Variants in ARHGEF4 observed in about 807,000 individuals in gnomAD.
ARHGEF4 encodes the protein Rho guanine nucleotide exchange factor 4.
Under a neutral mutation model 162.0 loss-of-function variants are expected in ARHGEF4, and 119 were observed. The ratio of observed to expected loss-of-function variants is 0.73; its 90% confidence interval spans 0.63 to 0.86. The LOEUF is 0.86. Among genes scored for constraint, ARHGEF4 ranks in the 40% least tolerant of loss-of-function variants. The pLI is 0.00. For synonymous variants in ARHGEF4, 1,014 were observed against 979.9 expected, an observed-to-expected ratio of 1.03 and a Z score of -0.65; for missense variants, 2,488 against 2,456.0, an observed-to-expected ratio of 1.01 and a Z score of -0.28.
intron 4 of ARHGEF4, among the ~76,000 whole-genome samples, chr2:130,974,323 A>G (rs1685556895): frequency 6.6e-6 from 1 of 151,868 alleles, no homozygotes; most frequent in Admixed American, 6.6e-5. Flanking sequence ...ATACTTGGCT[A>G]ACTATTTGAC....
intron 13 of ARHGEF4, chr2:131,045,766 A>C: frequency 1.4e-6 from 2 of 1,427,252 alleles, no homozygotes; most frequent in Non-Finnish European, 1.8e-6. Context: ...CCCCATTTCT[A>C]CAGAGAGCCA....
chr2:130,940,832 A>G (rs1023232848), intron 3 of ARHGEF4, among the ~76,000 whole-genome samples: 1 of 91,612 alleles, frequency 1.1e-5, no homozygotes, highest in African/African-American at 2.7e-5. Context: ...ACTCCGTCTC[A>G]AAAAAAAAAA....
chr2:130,845,792 T>C (rs1381903433), intron 1 of ARHGEF4, among the ~76,000 whole-genome samples: 1 of 152,182 alleles, frequency 6.6e-6, no homozygotes, highest in African/African-American at 2.4e-5. Flanking sequence ...AGGGAACTGC[T>C]GCCATACACA....
chr2:130,923,298 AC>A (rs1326948071), intron 2 of ARHGEF4, among the ~76,000 whole-genome samples: 1 of 152,120 alleles, frequency 6.6e-6, no homozygotes, highest in African/African-American at 2.4e-5. Flanking sequence ...TCTTTTCTCT[AC>A]CCCAAGGTCA....
chr2:130,891,896 A>T (rs1016090733), intron 1 of ARHGEF4, among the ~76,000 whole-genome samples: 4 of 152,170 alleles, frequency 2.6e-5, no homozygotes, highest in Non-Finnish European at 5.9e-5. Context: ...GATAATACAC[A>T]GATGAAGGAG....
chr2:130,884,946 A>G (rs1391802809), intron 1 of ARHGEF4, among the ~76,000 whole-genome samples: 3 of 152,140 alleles, frequency 2.0e-5, no homozygotes, highest in Non-Finnish European at 4.4e-5. Context: ...TGAAGACAAA[A>G]TCTGTTACCT....
intron 1 of ARHGEF4, among the ~76,000 whole-genome samples, chr2:130,897,037 A>C (rs1471355162): frequency 1.3e-5 from 2 of 152,188 alleles, no homozygotes. Context: ...AGGTTCAGTG[A>C]AAGAGGAATC....
chr2:130,936,464 G>T (rs1461344843), intron 3 of ARHGEF4, among the ~76,000 whole-genome samples: 1 of 152,120 alleles, frequency 6.6e-6, no homozygotes. Flanking sequence ...TCTGGTGCTG[G>T]TCTAGACATT....
At chr2:131,018,404 C>T (rs1038750002) in intron 4 of ARHGEF4, among the ~76,000 whole-genome samples, 4 of 152,072 alleles carry the variant, frequency 2.6e-5, no homozygotes, top group African/African-American at 9.7e-5. Flanking sequence ...CTATTCAAAT[C>T]CTTTGCCTAT....
At chr2:130,854,846 T>TTTTATTTA (rs58855269) in intron 1 of ARHGEF4, among the ~76,000 whole-genome samples, 23,246 of 140,036 alleles carry the variant, frequency 0.17, 2,134 homozygotes, top group Middle Eastern at 0.27. Context: ...GGAGTCTGAC[T>TTTTATTTA]TTTATTTATT....
chr2:130,922,698 G>A (rs1253387707), intron 2 of ARHGEF4, among the ~76,000 whole-genome samples: 1 of 151,968 alleles, frequency 6.6e-6, no homozygotes, highest in Non-Finnish European at 1.5e-5. Flanking sequence ...GGGGGAGTGA[G>A]ATATTATGTC....
chr2:130,889,601 G>A (rs1199867577), intron 1 of ARHGEF4, among the ~76,000 whole-genome samples: 1 of 151,496 alleles, frequency 6.6e-6, no homozygotes, highest in Admixed American at 6.6e-5. Flanking sequence ...TCATGAGGTT[G>A]TGAGTTCGAG....
chr2:130,939,002 A>T (rs991485829), intron 3 of ARHGEF4, among the ~76,000 whole-genome samples: 2 of 152,206 alleles, frequency 1.3e-5, no homozygotes, highest in Admixed American at 6.5e-5. Flanking sequence ...TTTTGTCACC[A>T]AGGTAATAAG....
intron 5 of ARHGEF4, chr2:131,035,668 T>C: frequency 1.0e-6 from 1 of 987,814 alleles, no homozygotes; most frequent in Non-Finnish European, 1.2e-6. Flanking sequence ...CGGGCACCGC[T>C]GCGCATGTTA....
chr2:130,955,535 A>G (rs1176446809), intron 4 of ARHGEF4, among the ~76,000 whole-genome samples: 3 of 152,176 alleles, frequency 2.0e-5, no homozygotes, highest in African/African-American at 4.8e-5. Flanking sequence ...GAGATACAGC[A>G]CTGGGTATGC....
intron 1 of ARHGEF4, among the ~76,000 whole-genome samples, chr2:130,877,679 A>G (rs1461992192): frequency 6.6e-6 from 1 of 151,958 alleles, no homozygotes; most frequent in African/African-American, 2.4e-5. Context: ...TAATCATGCC[A>G]CCTTCTCAGG....
rs1681367104 is a variant in ARHGEF4, at chr2:130,914,380, G to C, written c.434G>C (p.Gly145Ala). The C allele has an allele frequency of 6.9e-7, 1 of 1,446,406 alleles. No individual in the cohort carries two copies. The highest frequency in any genetic ancestry group is 2.5e-5 in the East Asian group (1 of 40,196). 89.6% of individuals were successfully genotyped at this position (1,446,406 alleles called of 1,614,324 possible). A position where few individuals can be genotyped will look rare whatever the true frequency, so the allele number is the denominator to read the frequency against. ...PSLEDDSCKN[G>A]WRAFATVAGE... is the part of the protein sequence containing the mutation. ...TTAGAGGATGACTCTTGCAAAAATG[G>C]GTGGCGAGCCTTTGCCACAGTTGCT... is the stretch of plus-strand genomic sequence containing the variant. Residue 145 changes from glycine to alanine, a missense_variant, in exon 2 of 14, where the codon GGG becomes GCG. This residue lies in a region of ARHGEF4 where 81 missense variants were observed against 125.8 expected (regional missense o/e 0.64). Coordinates refer to ENST00000409359, the MANE Select transcript of ARHGEF4 (RefSeq NM_001367493.1).
chr2:130,898,413 T>C (rs977962127), intron 1 of ARHGEF4, among the ~76,000 whole-genome samples: 3 of 152,166 alleles, frequency 2.0e-5, no homozygotes, highest in Non-Finnish European at 2.9e-5. Flanking sequence ...GGAGATGCGA[T>C]TGGACGCTGC....
At chr2:130,959,941 A>G (rs1034110546) in intron 4 of ARHGEF4, among the ~76,000 whole-genome samples, 3 of 152,212 alleles carry the variant, frequency 2.0e-5, no homozygotes, top group Admixed American at 6.5e-5. Context: ...GTAGAATTTC[A>G]TTGACCACCT....
Sources: gnomAD v4.1 joint callset for allele counts (sites outside exome capture counted in the v4.1 genomes callset) on GRCh38, gnomAD v4.1.1 for gene constraint, gnomAD v4.1.1 regional missense constraint, MANE v1.5 for transcripts, NCBI Gene and HGNC (gene_info 2026-07-23, HGNC 2026-07-21) for gene names.